INCENP: variants seen among roughly 807,000 people sequenced by gnomAD.
The protein encoded by INCENP is inner centromere protein, also known as binds and activates aurora-B and -C in vivo and in vitro.
A neutral mutation model predicts 107.3 loss-of-function variants in INCENP; 43 were observed. The observed-to-expected ratio is 0.40, with a 90% confidence interval of 0.31 to 0.52. The LOEUF (loss-of-function observed/expected upper bound fraction) is 0.52, where lower values mean the gene tolerates loss of function less well. INCENP is among the 20% of genes least tolerant of loss of function. The pLI, the probability that INCENP is intolerant of heterozygous loss-of-function variation, is 0.53. For missense variants in INCENP, 1,089 were observed against 1,250.9 expected (o/e 0.87, Z 1.95); for synonymous variants, 488 against 494.4 (o/e 0.99, Z 0.17).
chr11:62,130,382 C>G lies in INCENP; in HGVS notation c.855C>G (p.Ile285Met), dbSNP rs1943863587. ...SPWRERVLAP[I>M]LPDNFSTPTG... is the part of the protein sequence containing the mutation. Reference sequence around the variant, plus strand: ...GGCGGGAGCGGGTGCTGGCTCCCATCCTGCCGGATAACTTCTCCACGCCCA... The same window carrying G: ...GGCGGGAGCGGGTGCTGGCTCCCATGCTGCCGGATAACTTCTCCACGCCCA... The change falls in exon 4 of 19, where the codon ATC becomes ATG. Residue 285 changes from isoleucine (I) to methionine (M), a missense_variant. Physicochemically the swap from Ile to Met is conservative, Grantham distance 10 (BLOSUM62 1). Coordinates refer to ENST00000394818, the MANE Select transcript of INCENP (RefSeq NM_001040694.2). The G allele has an allele frequency of 1.9e-6, 3 of 1,612,842 alleles. No individual in the cohort carries two copies. The East Asian group carries it at 6.7e-5, about 36-fold the overall frequency.
intron 10 of INCENP, 119 bp from the exon 11 acceptor site, chr11:62,141,381 T>C: frequency 3.0e-6 from 4 of 1,319,206 alleles, no homozygotes; most frequent in Non-Finnish European, 4.4e-6. Context: ...GTGGGGGTGC[T>C]GCTGGCAGGA....
intron 11 of INCENP, 29 bp downstream of exon 11, chr11:62,141,540 C>T (rs1438560805): frequency 2.5e-6 from 4 of 1,613,932 alleles, no homozygotes; most frequent in Non-Finnish European, 2.5e-6. Context: ...TGTCGGTAAC[C>T]TCGCCCCACC....
intron 4 of INCENP, among the ~76,000 whole-genome samples, chr11:62,137,310 A>T (rs1565095597): frequency 6.6e-6 from 1 of 152,210 alleles, no homozygotes; most frequent in Non-Finnish European, 1.5e-5. Flanking sequence ...CTCAAAAAAA[A>T]GAAAAAAAAT....
rs553053335 is a variant in INCENP, at chr11:62,144,828, G to A, written c.1606-154G>A. Reference sequence around the variant, plus strand: ...AGCTGCGGGCCTTGGCTTGGGTGCTGTTGGGGCCACGTTGGGGATACCTCT... The same window carrying A: ...AGCTGCGGGCCTTGGCTTGGGTGCTATTGGGGCCACGTTGGGGATACCTCT... On this transcript the variant is annotated intron_variant, in intron 11 of 18. Transcript: ENST00000394818. The A allele has an allele frequency of 4.2e-5, 33 of 793,524 alleles. No individual in the cohort carries two copies. The Admixed American group carries it at 4.2e-4, about 10-fold the overall frequency. 49.2% of individuals were successfully genotyped at this position (793,524 alleles called of 1,614,324 possible).
At chr11:62,150,424 G>A (rs1565104369) in intron 18 of INCENP, among the ~76,000 whole-genome samples, 1 of 152,208 alleles carries the variant, frequency 6.6e-6, no homozygotes, top group African/African-American at 2.4e-5. Flanking sequence ...TATGAGGTTG[G>A]GTTCCTTTGT....
rs1944313129 is a variant in INCENP at position 62,148,846 on chromosome 11, G to A, written c.2391G>A (p.Gln797=). ...CCCTGAATGTGACTGTGGACGTGCA[G>A]GTGCCACCTGGGCCCCAGTGGAGAG... The part of the protein sequence containing the change: ...SKALNVTVDV[Q]SPACTSYQMT... Residue 797 remains glutamine, a splice_region_variant and synonymous_variant, in exon 17 of 19, where the codon CAG becomes CAA. Transcript: ENST00000394818. 1 of 1,597,406 alleles carries A rather than the reference G, an allele frequency of 6.3e-7. No homozygotes were observed. The highest frequency in any genetic ancestry group is 2.2e-5 in the East Asian group (1 of 44,642).
chr11:62,150,067 G>A lies in INCENP; in HGVS notation c.2402G>A (p.Cys801Tyr), dbSNP rs1377515009. ...NVTVDVQSPA[C>Y]TSYQMTPQGH... is the part of the protein sequence containing the mutation. Reference sequence around the variant, plus strand: ...CGTTTGTTTTTGCAGTCTCCAGCTTGTACCTCATATCAGATGACTCCGCAA... The same window carrying A: ...CGTTTGTTTTTGCAGTCTCCAGCTTATACCTCATATCAGATGACTCCGCAA... Residue 801 changes from cysteine to tyrosine, a missense_variant, in exon 18 of 19, where the codon TGT becomes TAT. Coordinates refer to ENST00000394818, the MANE Select transcript of INCENP (RefSeq NM_001040694.2). The A allele has an allele frequency of 4.3e-6, 7 of 1,613,820 alleles. No individual in the cohort carries two copies. In the Admixed American group the frequency reaches 6.7e-5, roughly 15 times the overall value.
chr11:62,131,798 TAC>T (rs1277966468), intron 4 of INCENP, among the ~76,000 whole-genome samples: 9 of 151,684 alleles, frequency 5.9e-5, no homozygotes, highest in African/African-American at 2.2e-4. Context: ...TTTTTTTTGA[TAC>T]AGAGTCTCGC....
At chr11:62,150,879 G>A in intron 18 of INCENP, among the ~76,000 whole-genome samples, 1 of 152,218 alleles carries the variant, frequency 6.6e-6, no homozygotes, top group African/African-American at 2.4e-5. Context: ...GGAAGTCAGG[G>A]AGGGGTGCAG....
chr11:62,140,443 A>G (rs1944090211), intron 8 of INCENP, among the ~76,000 whole-genome samples, 158 bp downstream of exon 8: 1 of 152,102 alleles, frequency 6.6e-6, no homozygotes. Flanking sequence ...AGGCAGCTCC[A>G]TGCTGTGGAT....
chr11:62,145,546 G>A, intron 13 of INCENP, 83 bp from the exon 14 acceptor site: 1 of 1,485,378 alleles, frequency 6.7e-7, no homozygotes, highest in Non-Finnish European at 9.0e-7. Context: ...GGGCAGGTGG[G>A]GCCTGTCACA....
chr11:62,129,007 C>T (rs1943819322), intron 3 of INCENP, 124 bp downstream of exon 3: 3 of 688,660 alleles, frequency 4.4e-6, no homozygotes, highest in Middle Eastern at 6.9e-4. Flanking sequence ...TGGTGGGTAC[C>T]ACCGCGGGTA....
At chr11:62,144,719 C>G in intron 11 of INCENP, 1 of 735,028 alleles carries the variant, frequency 1.4e-6, no homozygotes. Context: ...TTTTGTGTTG[C>G]CCAAAACTTG....
In INCENP at chr11:62,146,821, G is replaced by A. The variant is rs575651941; in HGVS notation, c.2123G>A (p.Arg708Gln). 374 of 1,539,598 alleles carry A rather than the reference G, an allele frequency of 2.4e-4. No homozygotes were observed. Among genetic ancestry groups the A allele is most frequent in the Non-Finnish European group, 3.0e-4 (347 of 1,139,444 alleles). ...REQERREQERREQERREQERQ... is the reference protein window; with the variant it reads ...REQERREQERQEQERREQERQ... ...CAGGAGCGGCGCGAGCAGGAGCGGC[G>A]GGAGCAGGAGCGGCGCGAGCAGGAG... Residue 708 changes from arginine (R) to glutamine (Q), a missense_variant, in exon 15 of 19, where the codon CGG becomes CAG. Coordinates refer to ENST00000394818, the MANE Select transcript of INCENP (RefSeq NM_001040694.2).
intron 11 of INCENP, among the ~76,000 whole-genome samples, chr11:62,144,097 C>G (rs764627457): frequency 1.1e-4 from 16 of 152,196 alleles, no homozygotes; most frequent in Non-Finnish European, 2.2e-4. Flanking sequence ...TTTGGAAGGC[C>G]AAGGCAGGCG....
intron 1 of INCENP, among the ~76,000 whole-genome samples, chr11:62,127,693 C>T (rs556774110): frequency 3.1e-4 from 47 of 152,280 alleles, no homozygotes; most frequent in African/African-American, 1.1e-3. Context: ...TGTGTCTTAG[C>T]CCTCACTTAA....
At chr11:62,136,801 A>T (rs1406114765) in intron 4 of INCENP, among the ~76,000 whole-genome samples, 2 of 152,212 alleles carry the variant, frequency 1.3e-5, no homozygotes, top group African/African-American at 4.8e-5. Flanking sequence ...TCTGGCCTTG[A>T]CTGGGGCTGA....
At chr11:62,145,408 C>CATGGGGCAGA in intron 13 of INCENP, 119 bp downstream of exon 13, 1 of 1,463,334 alleles carries the variant, frequency 6.8e-7, no homozygotes, top group Non-Finnish European at 9.3e-7. Context: ...CCTGTCTGCC[C>CATGGGGCAGA]CATGGGCCCT....
Position 62,140,295 on chromosome 11 carries a change from C to G in INCENP, c.1343+10C>G, listed in dbSNP as rs368242270. The stretch of plus-strand genomic sequence containing the variant: ...CACCGCAGAGTGCCAGGTTTGCATC[C>G]GGGAAGGGGTGTGTAGGTAACTCTG... On this transcript the variant is annotated intron_variant, in intron 8 of 18. Transcript: ENST00000394818. The G allele has an allele frequency of 3.1e-6, 5 of 1,612,266 alleles. No homozygotes were observed. The East Asian group carries it at 1.1e-4, about 36-fold the overall frequency.
Sources: allele counts gnomAD v4.1 joint callset (sites outside exome capture counted in the v4.1 genomes callset), GRCh38; gene constraint gnomAD v4.1.1; transcripts MANE v1.5; gene names NCBI Gene and HGNC (gene_info 2026-07-23, HGNC 2026-07-21).